XRCC5: variants seen among roughly 807,000 people sequenced by gnomAD.
XRCC5 encodes the protein X-ray repair cross complementing 5.
XRCC5 carries 12 observed loss-of-function variants against 95.7 expected under a neutral mutation model. The observed-to-expected ratio is 0.13, with a 90% CI of 0.08 to 0.20. The LOEUF (loss-of-function observed/expected upper bound fraction) is 0.20, where lower values mean the gene tolerates loss of function less well. Among genes scored for constraint, XRCC5 ranks in the 10% least tolerant of loss-of-function variants. The pLI is 1.00. For missense variants in XRCC5, 595 were observed against 873.9 expected, an observed-to-expected ratio of 0.68 and a Z score of 4.02; for synonymous variants, 281 against 290.3, an observed-to-expected ratio of 0.97 and a Z score of 0.33.
At chr2:216,149,527 A>G (rs1274098786) in intron 14 of XRCC5, among the ~76,000 whole-genome samples, 1 of 152,184 alleles carries the variant, frequency 6.6e-6, no homozygotes, top group Non-Finnish European at 1.5e-5. Context: ...TTTGTATTTT[A>G]AAACAGTTCA....
chr2:216,150,222 A>G (rs924521236), intron 14 of XRCC5, among the ~76,000 whole-genome samples: 1 of 152,290 alleles, frequency 6.6e-6, no homozygotes, highest in Admixed American at 6.5e-5. Context: ...GGAGTGGACA[A>G]ATGTCTGTTC....
chr2:216,141,088 A>G (rs1574462816), intron 12 of XRCC5, 98 bp from the exon 13 acceptor site: 3 of 1,453,202 alleles, frequency 2.1e-6, no homozygotes, highest in Non-Finnish European at 2.8e-6. Context: ...GGACTGTATA[A>G]CCTGCCAATA....
intron 16 of XRCC5, among the ~76,000 whole-genome samples, chr2:216,162,606 G>T (rs1688974035): frequency 6.6e-6 from 1 of 151,872 alleles, no homozygotes; most frequent in Non-Finnish European, 1.5e-5. Flanking sequence ...TGGTCAGGCT[G>T]GTCTTGAACT....
At chr2:216,196,038 T>C (rs112277701) in intron 19 of XRCC5, among the ~76,000 whole-genome samples, 305 of 152,280 alleles carry the variant, frequency 2.0e-3, no homozygotes, top group Non-Finnish European at 3.8e-3. Context: ...AATAGGAATC[T>C]GTTAGGGAAG....
intron 19 of XRCC5, among the ~76,000 whole-genome samples, chr2:216,196,586 G>A (rs1344386632): frequency 6.6e-6 from 1 of 152,078 alleles, no homozygotes; most frequent in Non-Finnish European, 1.5e-5. Flanking sequence ...TCAGAAATTG[G>A]CTTGTGTGAT....
At position 216,205,372 on chromosome 2, in the gene XRCC5, A is replaced by G. The variant is rs1229784075; in HGVS notation, c.*170A>G. On this transcript the variant is annotated 3_prime_UTR_variant, in exon 21 of 21. Coordinates refer to ENST00000392132, the MANE Select transcript of XRCC5 (RefSeq NM_021141.4). ...CTCTGTGGAATGAATACACACATAT[A>G]TATTACAAGGGATAATTTAGACCCC... 1 of 713,426 alleles carries G rather than the reference A, an allele frequency of 1.4e-6. No homozygotes were observed. 44.2% of individuals were successfully genotyped at this position (713,426 alleles called of 1,614,324 possible).
At chr2:216,119,287 G>C in intron 5 of XRCC5, 122 bp downstream of exon 5, 1 of 1,027,452 alleles carries the variant, frequency 9.7e-7, no homozygotes. Flanking sequence ...GGCTGAATCT[G>C]TCAGATGACT....
At chr2:216,140,330 CTG>C (rs1697151912) in intron 12 of XRCC5, among the ~76,000 whole-genome samples, 2 of 152,218 alleles carry the variant, frequency 1.3e-5, no homozygotes, top group Non-Finnish European at 2.9e-5. Context: ...TGCCTGGTGA[CTG>C]TGAATGTTCC....
At chr2:216,123,182 G>T (rs1480028764) in intron 6 of XRCC5, among the ~76,000 whole-genome samples, 1 of 152,088 alleles carries the variant, frequency 6.6e-6, no homozygotes, top group Non-Finnish European at 1.5e-5. Context: ...AGTAGTGATT[G>T]AACAACTAGA....
chr2:216,141,425 A>G, intron 13 of XRCC5, 106 bp downstream of exon 13: 3 of 1,194,240 alleles, frequency 2.5e-6, no homozygotes, highest in Non-Finnish European at 3.5e-6. Flanking sequence ...TTTTCTCTGA[A>G]GGCCCCATTT....
At position 216,121,596 on chromosome 2, in the gene XRCC5, A is replaced by G. The variant is rs1378387144; in HGVS notation, c.492-466A>G. Among the ~76,000 whole-genome samples the G allele has an allele frequency of 2.0e-5, 3 of 151,904 alleles. No homozygotes were observed. The East Asian group carries it at 5.8e-4, about 29-fold the overall frequency. On this transcript the variant is annotated intron_variant, in intron 5 of 20. Coordinates refer to ENST00000392132, the MANE Select transcript of XRCC5 (RefSeq NM_021141.4). ...CGCTAATTCCATTTATGAGTTCCCCACCCTCAGGACTTCATTACCTCCTAA... is the reference window on the plus strand; with the variant it reads ...CGCTAATTCCATTTATGAGTTCCCCGCCCTCAGGACTTCATTACCTCCTAA...
chr2:216,137,552 C>G (rs922272410), intron 11 of XRCC5, among the ~76,000 whole-genome samples: 1 of 152,084 alleles, frequency 6.6e-6, no homozygotes, highest in African/African-American at 2.4e-5. Context: ...AAAGGTTCAC[C>G]ATGGCCTTTT....
At chr2:216,156,873 G>A (rs1012380082) in intron 14 of XRCC5, 4 of 337,018 alleles carry the variant, frequency 1.2e-5, no homozygotes, top group Non-Finnish European at 1.8e-5. Flanking sequence ...TGCTGGGCTC[G>A]GTGCCCACTG....
At chr2:216,114,833 A>G (rs1254273776) in intron 2 of XRCC5, among the ~76,000 whole-genome samples, 1 of 152,206 alleles carries the variant, frequency 6.6e-6, no homozygotes, top group East Asian at 1.9e-4. Context: ...GCGCTCGACC[A>G]ATAATGCCGA....
chr2:216,152,155 G>A (rs1487922424), intron 14 of XRCC5, among the ~76,000 whole-genome samples: 1 of 152,128 alleles, frequency 6.6e-6, no homozygotes, highest in Non-Finnish European at 1.5e-5. Context: ...TGAGATTTGG[G>A]GCTCGGCTCA....
At chr2:216,201,741 TC>T (rs1689837069) in intron 19 of XRCC5, among the ~76,000 whole-genome samples, 2 of 152,150 alleles carry the variant, frequency 1.3e-5, no homozygotes, top group African/African-American at 4.8e-5. Context: ...TCGGAGAATC[TC>T]TTGCTTTTAT....
At chr2:216,116,982 T>A in intron 3 of XRCC5, 140 bp downstream of exon 3, 1 of 849,238 alleles carries the variant, frequency 1.2e-6, no homozygotes, top group African/African-American at 1.7e-5. Flanking sequence ...GGTAATGTGT[T>A]AATAGGGTTT....
chr2:216,169,260 G>A lies in XRCC5; in HGVS notation c.1834+7212G>A, dbSNP rs529852158. Among the ~76,000 whole-genome samples the A allele has an allele frequency of 1.4e-3, 208 of 152,324 alleles. 1 individual carries two copies. In the Middle Eastern group the frequency reaches 0.024, roughly 17 times the overall value. The stretch of plus-strand genomic sequence containing the variant: ...CATGAGTATTAAACATGCATGTTAC[G>A]TAATACCCATGTTCACCTTGCAGGG... On this transcript the variant is annotated intron_variant, in intron 16 of 20. Transcript: ENST00000392132.
At chr2:216,179,471 A>G (rs574032287) in intron 16 of XRCC5, among the ~76,000 whole-genome samples, 73 of 152,282 alleles carry the variant, frequency 4.8e-4, no homozygotes, top group African/African-American at 1.7e-3. Flanking sequence ...CACTATAGAG[A>G]AAAGTTAAAG....
Sources: gnomAD v4.1 joint callset for allele counts (sites outside exome capture counted in the v4.1 genomes callset) on GRCh38, gnomAD v4.1.1 for gene constraint, MANE v1.5 for transcripts, NCBI Gene and HGNC (gene_info 2026-07-23, HGNC 2026-07-21) for gene names.